The following AUTS2 variants were observed in gnomAD, a reference collection of about 807,000 sequenced individuals.
AUTS2 encodes the protein activator of transcription and developmental regulator AUTS2, also known as autism susceptibility gene 2 protein.
A neutral mutation model predicts 112.4 loss-of-function variants in AUTS2; 17 were observed. The observed-to-expected ratio is 0.15, with a 90% CI of 0.10 to 0.23. AUTS2 has a LOEUF of 0.23. AUTS2 is among the 10% of genes least tolerant of loss of function. The pLI is 1.00. For synonymous variants in AUTS2, 751 were observed against 702.7 expected, an observed-to-expected ratio of 1.07 and a Z score of -1.09; for missense variants, 1,510 against 1,701.6, an observed-to-expected ratio of 0.89 and a Z score of 1.98.
At chr7:70,604,318 A>G (rs1445993027) in intron 5 of AUTS2, among the ~76,000 whole-genome samples, 2 of 152,198 alleles carry the variant, frequency 1.3e-5, no homozygotes, top group African/African-American at 4.8e-5. Flanking sequence ...GTCAGTGCCC[A>G]CAGCATGCAT....
chr7:70,688,670 T>C (rs1173477527), intron 5 of AUTS2, among the ~76,000 whole-genome samples: 1 of 151,864 alleles, frequency 6.6e-6, no homozygotes, highest in East Asian at 1.9e-4. Context: ...TCTACAAAAT[T>C]AAAAATTAGC....
chr7:69,760,589 C>T (rs1788143477), intron 1 of AUTS2, among the ~76,000 whole-genome samples: 1 of 152,012 alleles, frequency 6.6e-6, no homozygotes, highest in Non-Finnish European at 1.5e-5. Flanking sequence ...TTTGGGAGGC[C>T]AAGGCAGTGG....
chr7:69,895,312 C>G (rs960322245), intron 1 of AUTS2, among the ~76,000 whole-genome samples: 5 of 151,914 alleles, frequency 3.3e-5, no homozygotes, highest in Non-Finnish European at 7.4e-5. Context: ...CAGTCAGTAC[C>G]TGTTTATAGA....
At chr7:69,825,582 G>T (rs1562909314) in intron 1 of AUTS2, among the ~76,000 whole-genome samples, 1 of 152,068 alleles carries the variant, frequency 6.6e-6, no homozygotes, top group African/African-American at 2.4e-5. Flanking sequence ...TGTGTCTTTT[G>T]TATCTCTGAA....
chr7:70,040,502 A>G (rs1205805078), intron 2 of AUTS2, among the ~76,000 whole-genome samples: 2 of 152,344 alleles, frequency 1.3e-5, no homozygotes, highest in Admixed American at 6.5e-5. Context: ...TTCAAAACAT[A>G]TATCTTTAAG....
chr7:70,766,358 G>A lies in AUTS2; in HGVS notation c.1689+24G>A. 1 of 1,613,156 alleles carries A rather than the reference G, an allele frequency of 6.2e-7. No homozygotes were observed. The highest frequency in any genetic ancestry group is 8.5e-7 in the Non-Finnish European group (1 of 1,179,606). On this transcript the variant is annotated intron_variant, in intron 9 of 18. Coordinates refer to ENST00000342771, the MANE Select transcript of AUTS2 (RefSeq NM_015570.4). The surrounding 1 kb of genome is among the most constrained non-coding windows in gnomAD (Gnocchi z 4.8). ...TGGTGCGTACCCCAGGCAGAAATGT[G>A]AGGATAAGTAGAGCACGACTCTTTT...
At chr7:70,226,256 T>A (rs1811756899) in intron 4 of AUTS2, among the ~76,000 whole-genome samples, 1 of 152,086 alleles carries the variant, frequency 6.6e-6, no homozygotes, top group South Asian at 2.1e-4. Context: ...AGAGCAATCT[T>A]GGCTCACTGC....
chr7:70,318,016 T>C (rs529022793), intron 4 of AUTS2, among the ~76,000 whole-genome samples: 1 of 152,280 alleles, frequency 6.6e-6, no homozygotes, highest in African/African-American at 2.4e-5. Context: ...GAAAAAAACC[T>C]GTGGTGTCGG....
intron 1 of AUTS2, among the ~76,000 whole-genome samples, chr7:69,637,058 C>T (rs1051737406): frequency 1.3e-5 from 2 of 152,208 alleles, no homozygotes; most frequent in Non-Finnish European, 2.9e-5. Context: ...AGCCACCGCG[C>T]CCGGCCTGTC....
intron 4 of AUTS2, among the ~76,000 whole-genome samples, chr7:70,183,560 G>A (rs1405588453): frequency 2.6e-5 from 4 of 152,224 alleles, no homozygotes; most frequent in Non-Finnish European, 5.9e-5. Flanking sequence ...TTCTTTGGGA[G>A]CCATGCTGAG....
chr7:70,341,849 CA>C (rs1295077468), intron 4 of AUTS2, among the ~76,000 whole-genome samples: 2 of 152,300 alleles, frequency 1.3e-5, no homozygotes. Context: ...ACTTGCAGTG[CA>C]AGTTTGGCTG....
chr7:70,646,905 A>G (rs1227638980), intron 5 of AUTS2, among the ~76,000 whole-genome samples: 1 of 152,100 alleles, frequency 6.6e-6, no homozygotes, highest in East Asian at 1.9e-4. Flanking sequence ...ACCTTTGCCC[A>G]TTTTGGATGC....
At chr7:69,903,763 A>G (rs1033390956) in intron 2 of AUTS2, among the ~76,000 whole-genome samples, 2 of 152,204 alleles carry the variant, frequency 1.3e-5, no homozygotes, top group Non-Finnish European at 1.5e-5. Context: ...ATCATTTTAG[A>G]GGAAAATGGA....
chr7:70,116,279 A>G (rs1805351967), intron 2 of AUTS2, among the ~76,000 whole-genome samples: 1 of 152,212 alleles, frequency 6.6e-6, no homozygotes, highest in Admixed American at 6.5e-5. Flanking sequence ...GAAGAAAGTG[A>G]TAAAGGTGAA....
In AUTS2 at chr7:70,608,277, A is replaced by AT. The variant is rs113885572; in HGVS notation, c.691-90284dup. 9.9e-5 allele frequency among the ~76,000 whole-genome samples: 15 copies of AT among 151,738 alleles called. 1 individual carries two copies. Among genetic ancestry groups the AT allele is most frequent in the African/African-American group, 2.4e-4 (10 of 41,364 alleles). ...CACCACCATACCCAGCTAATTTTTA[A>AT]TTTTTTTTGTATAGATGGGGTCTCA... On this transcript the variant is annotated intron_variant, in intron 5 of 18. Transcript: ENST00000342771.
chr7:69,826,368 C>G (rs910752587), intron 1 of AUTS2, among the ~76,000 whole-genome samples: 3 of 152,162 alleles, frequency 2.0e-5, no homozygotes, highest in Admixed American at 2.0e-4. Context: ...GGTGATAGAC[C>G]TGGGCCTTGA....
intron 2 of AUTS2, among the ~76,000 whole-genome samples, chr7:70,111,448 G>A (rs944482134): frequency 6.6e-6 from 1 of 152,194 alleles, no homozygotes; most frequent in South Asian, 2.1e-4. Flanking sequence ...CTCATTGTAA[G>A]GGTACAAGCT....
chr7:70,457,357 G>A (rs901784442), intron 5 of AUTS2, among the ~76,000 whole-genome samples: 13 of 152,142 alleles, frequency 8.5e-5, no homozygotes, highest in African/African-American at 3.1e-4. Context: ...AAAAATGCCA[G>A]TGATCACCGA....
intron 1 of AUTS2, among the ~76,000 whole-genome samples, chr7:69,651,135 T>A (rs1438431607): frequency 6.6e-6 from 1 of 152,214 alleles, no homozygotes; most frequent in African/African-American, 2.4e-5. Context: ...GCCCTAGTAG[T>A]GTCGTGAGGA....
Sources: allele counts gnomAD v4.1 joint callset (sites outside exome capture counted in the v4.1 genomes callset), GRCh38; gene constraint gnomAD v4.1.1; non-coding constraint Gnocchi (gnomAD v3.1); transcripts MANE v1.5; gene names NCBI Gene and HGNC (gene_info 2026-07-23, HGNC 2026-07-21).